Variants in KANK4 observed in about 807,000 individuals in gnomAD.
The protein encoded by KANK4 is KN motif and ankyrin repeat domains 4.
A neutral mutation model predicts 80.8 loss-of-function variants in KANK4; 50 were observed. That is an observed-to-expected ratio of 0.62 (90% CI 0.49 to 0.78). The LOEUF (loss-of-function observed/expected upper bound fraction) is 0.78. Among genes scored for constraint, KANK4 ranks in the 30% least tolerant of loss-of-function variants. KANK4 has a pLI of 0.00. For missense variants in KANK4, 1,196 were observed against 1,240.1 expected, an observed-to-expected ratio of 0.96 and a Z score of 0.53; for synonymous variants, 465 against 506.9, an observed-to-expected ratio of 0.92 and a Z score of 1.11.
At chr1:62,315,606 T>G (rs972139569) in intron 1 of KANK4, among the ~76,000 whole-genome samples, 2 of 152,156 alleles carry the variant, frequency 1.3e-5, no homozygotes, top group East Asian at 3.9e-4. Context: ...ATTGTACAGA[T>G]AGGAAAATTG....
intron 1 of KANK4, among the ~76,000 whole-genome samples, chr1:62,313,211 T>C (rs982133545): frequency 6.6e-6 from 1 of 152,210 alleles, no homozygotes; most frequent in Non-Finnish European, 1.5e-5. Flanking sequence ...GGAAAAAGCA[T>C]AGTATATATA....
intron 8 of KANK4, among the ~76,000 whole-genome samples, chr1:62,249,581 T>G (rs1024941111): frequency 2.0e-5 from 3 of 151,520 alleles, no homozygotes; most frequent in African/African-American, 7.3e-5. Flanking sequence ...CTTGCTCTGT[T>G]GCCCAGGCTG....
At chr1:62,303,018 G>A (rs78103528) in intron 1 of KANK4, among the ~76,000 whole-genome samples, 1,874 of 152,204 alleles carry the variant, frequency 0.012, 25 homozygotes, top group African/African-American at 0.038. Context: ...AAACAGCAAG[G>A]TGGGAATGAG....
chr1:62,295,725 A>G (rs2765266), intron 1 of KANK4, among the ~76,000 whole-genome samples: 109,263 of 152,142 alleles, frequency 0.72, 40,672 homozygotes, highest in African/African-American at 0.91. Flanking sequence ...AATCTCATGT[A>G]CTGGTCCTCA....
chr1:62,294,949 G>A (rs1644348621), intron 1 of KANK4, among the ~76,000 whole-genome samples: 1 of 152,234 alleles, frequency 6.6e-6, no homozygotes, highest in South Asian at 2.1e-4. Flanking sequence ...ACAAAGGAAG[G>A]TTATATATTG....
intron 2 of KANK4, among the ~76,000 whole-genome samples, chr1:62,275,909 G>GGAAA: frequency 7.1e-6 from 1 of 141,532 alleles, no homozygotes; most frequent in Non-Finnish European, 1.5e-5. Context: ...GAAGGGGAAG[G>GGAAA]GGAAGGGAAG....
chr1:62,291,134 A>G (rs1051829219), intron 1 of KANK4, among the ~76,000 whole-genome samples: 4 of 152,168 alleles, frequency 2.6e-5, no homozygotes, highest in Non-Finnish European at 4.4e-5. Context: ...TGTAGTAGGT[A>G]TGAATTGGTA....
At chr1:62,287,583 A>C (rs1189757400) in intron 1 of KANK4, among the ~76,000 whole-genome samples, 1 of 152,206 alleles carries the variant, frequency 6.6e-6, no homozygotes, top group Admixed American at 6.5e-5. Context: ...TGCTTGAAGC[A>C]GCCAGACCAG....
At chr1:62,261,507 A>T (rs1671885895) in intron 7 of KANK4, among the ~76,000 whole-genome samples, 3 of 151,244 alleles carry the variant, frequency 2.0e-5, no homozygotes, top group African/African-American at 7.3e-5. Flanking sequence ...CACCTATTAC[A>T]AGCCCTCACT....
intron 7 of KANK4, among the ~76,000 whole-genome samples, chr1:62,255,407 C>G (rs998108079): frequency 1.3e-5 from 2 of 151,912 alleles, no homozygotes; most frequent in Non-Finnish European, 2.9e-5. Context: ...TTATGTTGCT[C>G]TTTTTATTTG....
intron 2 of KANK4, among the ~76,000 whole-genome samples, chr1:62,280,213 C>T (rs1291301598): frequency 6.6e-6 from 1 of 152,122 alleles, no homozygotes; most frequent in Non-Finnish European, 1.5e-5. Context: ...TTCCAAAGGC[C>T]AAGACAGGGA....
intron 8 of KANK4, among the ~76,000 whole-genome samples, chr1:62,248,927 C>T (rs1474098223): frequency 6.7e-6 from 1 of 148,460 alleles, no homozygotes; most frequent in African/African-American, 2.5e-5. Flanking sequence ...CTTTGGGAGG[C>T]CAAGGCGGGC....
intron 1 of KANK4, among the ~76,000 whole-genome samples, chr1:62,306,610 T>C (rs2149170236): frequency 6.6e-6 from 1 of 152,214 alleles, no homozygotes; most frequent in African/African-American, 2.4e-5. Flanking sequence ...AGATTCTCTA[T>C]CCCTGTTGCT....
rs1221175446 is a variant in KANK4, at chr1:62,271,595, C to A, written c.1901-6G>T. On this transcript the variant is annotated splice_polypyrimidine_tract_variant and splice_region_variant and intron_variant, in intron 3 of 9. Coordinates refer to ENST00000371153, the MANE Select transcript of KANK4 (RefSeq NM_181712.5). The stretch of plus-strand genomic sequence containing the variant: ...GCTGGTCGATGGGGAGATCTCTAGG[C>A]AGACACAACATCACAGGTTAGAATG... The A allele has an allele frequency of 6.3e-7, 1 of 1,581,828 alleles. No individual in the cohort carries two copies. The highest frequency in any genetic ancestry group is 1.7e-4 in the Middle Eastern group (1 of 6,010).
intron 1 of KANK4, among the ~76,000 whole-genome samples, chr1:62,295,624 C>T (rs1371168644): frequency 2.0e-5 from 3 of 152,210 alleles, no homozygotes; most frequent in South Asian, 2.1e-4. Context: ...CATAAAGGGG[C>T]AACTGAGGCT....
chr1:62,248,160 A>G (rs1671518081), intron 8 of KANK4, among the ~76,000 whole-genome samples: 1 of 152,122 alleles, frequency 6.6e-6, no homozygotes. Context: ...TTTTCAGTTT[A>G]AGGATACCCA....
At chr1:62,262,134 A>G (rs750273918) in intron 7 of KANK4, among the ~76,000 whole-genome samples, 3 of 152,210 alleles carry the variant, frequency 2.0e-5, no homozygotes, top group Non-Finnish European at 4.4e-5. Context: ...GACCTTTGTT[A>G]AAAAGTATCT....
At chr1:62,277,177 A>C (rs959297687) in intron 2 of KANK4, among the ~76,000 whole-genome samples, 28 of 152,232 alleles carry the variant, frequency 1.8e-4, no homozygotes, top group Non-Finnish European at 3.1e-4. Flanking sequence ...GGAGAGTAAC[A>C]GATGCATGCT....
chr1:62,314,890 T>A (rs753697827), intron 1 of KANK4, among the ~76,000 whole-genome samples: 6 of 152,204 alleles, frequency 3.9e-5, no homozygotes, highest in Non-Finnish European at 5.9e-5. Context: ...CTTCTTTCTC[T>A]TGGAGAAGGA....
Sources: allele counts gnomAD v4.1 joint callset (sites outside exome capture counted in the v4.1 genomes callset), GRCh38; gene constraint gnomAD v4.1.1; transcripts MANE v1.5; gene names NCBI Gene and HGNC (gene_info 2026-07-23, HGNC 2026-07-21).